The following TMPRSS13 variants were observed in gnomAD, a reference collection of about 807,000 sequenced individuals.
The protein encoded by TMPRSS13 is transmembrane protease serine 13.
TMPRSS13 carries 50 observed loss-of-function variants against 68.4 expected under a neutral mutation model. The ratio of observed to expected loss-of-function variants is 0.73; its 90% CI spans 0.58 to 0.93. The LOEUF (loss-of-function observed/expected upper bound fraction) is 0.93. TMPRSS13 is among the 40% of genes least tolerant of loss of function. The probability of loss-of-function intolerance (pLI) is 0.00; values close to 1 mark genes in which losing one functional copy is unlikely to be tolerated. For missense variants in TMPRSS13, 615 were observed against 729.2 expected (o/e 0.84, Z 1.80); for synonymous variants, 267 against 285.8 (o/e 0.93, Z 0.66).
intron 5 of TMPRSS13, 124 bp downstream of exon 5, chr11:117,913,653 G>A (rs1421883670): frequency 7.9e-7 from 1 of 1,268,502 alleles, no homozygotes; most frequent in Non-Finnish European, 1.1e-6. Flanking sequence ...TCCAGAGCTA[G>A]TGAGATCAGC....
At chr11:117,920,631 T>C (rs544349890) in intron 1 of TMPRSS13, among the ~76,000 whole-genome samples, 22 of 152,002 alleles carry the variant, frequency 1.4e-4, no homozygotes, top group Non-Finnish European at 2.5e-4. Context: ...TGGGATTATA[T>C]GCACCCGCCA....
chr11:117,903,892 C>T, intron 11 of TMPRSS13, 67 bp downstream of exon 11: 6 of 1,595,838 alleles, frequency 3.8e-6, no homozygotes, highest in Non-Finnish European at 4.3e-6. Context: ...CCACATCAGC[C>T]CCAACACCCC....
intron 8 of TMPRSS13, among the ~76,000 whole-genome samples, chr11:117,909,223 T>C (rs1274938665): frequency 1.3e-5 from 2 of 152,182 alleles, no homozygotes; most frequent in Non-Finnish European, 2.9e-5. Flanking sequence ...GTCAAGGGCT[T>C]GTACTGATAA....
chr11:117,904,170 G>A (rs887822152), intron 10 of TMPRSS13, 69 bp from the exon 11 acceptor site: 176 of 1,550,366 alleles, frequency 1.1e-4, no homozygotes, highest in East Asian at 4.1e-4. Flanking sequence ...CTTCCTGGCC[G>A]TCCAGCTGCC....
At chr11:117,925,392 C>G (rs1031941922) in intron 1 of TMPRSS13, among the ~76,000 whole-genome samples, 12 of 151,700 alleles carry the variant, frequency 7.9e-5, no homozygotes, top group South Asian at 6.2e-4. Context: ...CTTGTTCATT[C>G]ATTCGTTCAT....
At chr11:117,906,305 G>C (rs560187226) in intron 9 of TMPRSS13, among the ~76,000 whole-genome samples, 9 of 152,294 alleles carry the variant, frequency 5.9e-5, no homozygotes, top group African/African-American at 1.9e-4. Flanking sequence ...CAGAATTCCT[G>C]CTAACTTGAT....
rs577394134 is a variant in TMPRSS13 at position 117,923,770 on chromosome 11, C to T, written c.22-4932G>A. Among the ~76,000 whole-genome samples, 39 of 144,910 alleles carry T rather than the reference C, an allele frequency of 2.7e-4. No individual in the cohort carries two copies. In the South Asian group the frequency reaches 7.0e-3, roughly 26 times the overall value. ...TAATGGGTGCAGCACACCAACACGG[C>T]ACATGTATACATATGTAACAAACCT... On this transcript the variant is annotated intron_variant, in intron 1 of 12. Transcript: ENST00000524993.
chr11:117,907,117 G>A (rs2057470862), intron 9 of TMPRSS13, among the ~76,000 whole-genome samples: 1 of 152,180 alleles, frequency 6.6e-6, no homozygotes, highest in African/African-American at 2.4e-5. Context: ...AATATTAAGG[G>A]GTGGAGGGTG....
intron 10 of TMPRSS13, 66 bp from the exon 11 acceptor site, chr11:117,904,167 G>C: frequency 6.4e-7 from 1 of 1,562,858 alleles, no homozygotes; most frequent in Non-Finnish European, 8.7e-7. Flanking sequence ...TAGCTTCCTG[G>C]CCGTCCAGCT....
rs559317226 is a variant in TMPRSS13 at position 117,910,571 on chromosome 11, T to C, written c.946+136A>G. On this transcript the variant is annotated intron_variant, in intron 7 of 12. Coordinates refer to ENST00000524993, the MANE Select transcript of TMPRSS13 (RefSeq NM_001077263.3). The stretch of plus-strand genomic sequence containing the variant: ...CGGTGCCTTACAGGGACTCCAGCCC[T>C]GAAGCAGGCCTGCTGGCTAAGACAC... 6.4e-5 allele frequency: 53 copies of C among 821,886 alleles called. No individual in the cohort carries two copies. In the South Asian group the frequency reaches 1.1e-3, roughly 17 times the overall value. The allele number at this position is 821,886 out of a possible 1,614,324, so 50.9% of individuals were successfully genotyped here. A position where few individuals can be genotyped will look rare whatever the true frequency, so the allele number is the denominator to read the frequency against.
chr11:117,916,220 A>G (rs549034195), intron 3 of TMPRSS13, among the ~76,000 whole-genome samples: 1 of 152,246 alleles, frequency 6.6e-6, no homozygotes, highest in East Asian at 1.9e-4. Context: ...AACCAAACAG[A>G]CGGCCCCAGG....
chr11:117,909,409 A>T (rs1186291788), intron 8 of TMPRSS13, among the ~76,000 whole-genome samples: 1 of 152,226 alleles, frequency 6.6e-6, no homozygotes, highest in Non-Finnish European at 1.5e-5. Flanking sequence ...CAGCTGATAC[A>T]GTGCCCTGCC....
At chr11:117,904,861 T>TTA (rs58001868) in intron 10 of TMPRSS13, among the ~76,000 whole-genome samples, 1,023 of 99,826 alleles carry the variant, frequency 0.01, 7 homozygotes, top group African/African-American at 0.021. Flanking sequence ...CTAGATAAGA[T>TTA]TATATATATA....
At chr11:117,925,905 A>G (rs2057700852) in intron 1 of TMPRSS13, among the ~76,000 whole-genome samples, 1 of 152,258 alleles carries the variant, frequency 6.6e-6, no homozygotes, top group African/African-American at 2.4e-5. Flanking sequence ...CTCAGGGGAC[A>G]ATGCAGGGGA....
At chr11:117,919,055 G>GCCACAT in intron 1 of TMPRSS13, among the ~76,000 whole-genome samples, 1 of 152,168 alleles carries the variant, frequency 6.6e-6, no homozygotes, top group Non-Finnish European at 1.5e-5. Context: ...GGGCTCCCCT[G>GCCACAT]CCACATAGGA....
Position 117,905,651 on chromosome 11 carries a change from G to T in TMPRSS13, c.1368C>A (p.Thr456=). ...TTTGCCTCTTACCATCTGTCTCCCT[G>T]GTCTTGCCAAAGCCTGTGATCCAGC... ...ETCWITGFGK[T]RETDDKTSPF... is the part of the protein sequence containing the mutation. The change falls in exon 10 of 13, where the codon ACC becomes ACA. Residue 456 remains threonine (T), a synonymous_variant. Transcript: ENST00000524993. The T allele has an allele frequency of 6.2e-7, 1 of 1,601,454 alleles. No homozygotes were observed. The highest frequency in any genetic ancestry group is 8.5e-7 in the Non-Finnish European group (1 of 1,172,538).
intron 1 of TMPRSS13, among the ~76,000 whole-genome samples, chr11:117,924,114 T>G (rs1458300676): frequency 6.9e-6 from 1 of 145,702 alleles, no homozygotes; most frequent in East Asian, 2.0e-4. Flanking sequence ...GAGGCTGAGG[T>G]GGGAAAATGG....
chr11:117,904,331 A>C (rs1341635594), intron 10 of TMPRSS13, among the ~76,000 whole-genome samples: 1 of 152,048 alleles, frequency 6.6e-6, no homozygotes, highest in Non-Finnish European at 1.5e-5. Flanking sequence ...CACGTGAGAC[A>C]GAGACATCCA....
chr11:117,914,256 C>T lies in TMPRSS13; in HGVS notation c.679+136G>A, dbSNP rs2057551313. On this transcript the variant is annotated intron_variant, in intron 4 of 12. Coordinates refer to ENST00000524993, the MANE Select transcript of TMPRSS13 (RefSeq NM_001077263.3). The surrounding 1 kb of genome is among the most constrained non-coding windows in gnomAD (Gnocchi z 4.2). ...GTGCACACACACATACATGCATACA[C>T]ACAAACATGCACATACACACACATG... 2.4e-6 allele frequency: 3 copies of T among 1,227,758 alleles called. No individual in the cohort carries two copies. The highest frequency in any genetic ancestry group is 2.9e-5 in the African/African-American group (2 of 67,988). The allele number at this position is 1,227,758 out of a possible 1,614,324, so 76.1% of individuals were successfully genotyped here.
Sources: allele counts gnomAD v4.1 joint callset (sites outside exome capture counted in the v4.1 genomes callset), GRCh38; gene constraint gnomAD v4.1.1; non-coding constraint Gnocchi (gnomAD v3.1); transcripts MANE v1.5; gene names NCBI Gene and HGNC (gene_info 2026-07-23, HGNC 2026-07-21).